Variants in MRTFA observed in about 807,000 individuals in gnomAD.
MRTFA encodes the protein myocardin-related transcription factor A.
In MRTFA, 20 loss-of-function variants were observed where a neutral mutation model predicts 83.5. The observed-to-expected ratio is 0.24, with a 90% confidence interval of 0.17 to 0.35. The LOEUF is 0.35. MRTFA is among the 10% of genes least tolerant of loss of function. The pLI, the probability that MRTFA is intolerant of heterozygous loss-of-function variation, is 1.00. For missense variants in MRTFA, 1,200 were observed against 1,224.7 expected (o/e 0.98, Z 0.30); for synonymous variants, 659 against 541.2 (o/e 1.22, Z -3.02).
intron 1 of MRTFA, among the ~76,000 whole-genome samples, chr22:40,620,025 T>C (rs1187438942): frequency 6.6e-6 from 1 of 151,906 alleles, no homozygotes; most frequent in Non-Finnish European, 1.5e-5. Flanking sequence ...TGGCGTGATC[T>C]TGGCTCAATG....
chr22:40,603,140 C>T (rs145280577), intron 1 of MRTFA, among the ~76,000 whole-genome samples: 1 of 152,260 alleles, frequency 6.6e-6, no homozygotes, highest in Non-Finnish European at 1.5e-5. Flanking sequence ...GTGACTTTCC[C>T]TCTGGCCGAA....
At chr22:40,550,801 T>C (rs1272464657) in intron 3 of MRTFA, among the ~76,000 whole-genome samples, 1 of 152,026 alleles carries the variant, frequency 6.6e-6, no homozygotes, top group African/African-American at 2.4e-5. Flanking sequence ...AGTTGGGTGG[T>C]ATTTGAACAC....
At chr22:40,438,732 C>T (rs138147448) in intron 4 of MRTFA, among the ~76,000 whole-genome samples, 11 of 151,936 alleles carry the variant, frequency 7.2e-5, no homozygotes, top group Admixed American at 1.3e-4. Context: ...CTTACTATGT[C>T]AGATTTACAC....
chr22:40,425,318 G>A (rs1033942858), intron 7 of MRTFA, among the ~76,000 whole-genome samples: 2 of 152,240 alleles, frequency 1.3e-5, no homozygotes, highest in African/African-American at 4.8e-5. Context: ...GGGGGTGGCA[G>A]GTTCTGAGCT....
At chr22:40,605,252 G>A (rs891356534) in intron 1 of MRTFA, among the ~76,000 whole-genome samples, 2 of 152,108 alleles carry the variant, frequency 1.3e-5, no homozygotes, top group African/African-American at 2.4e-5. Context: ...TAACAGCACA[G>A]GAAAACAAAA....
chr22:40,421,208 CCA>C, intron 9 of MRTFA, 108 bp from the exon 10 acceptor site: 2 of 1,285,386 alleles, frequency 1.6e-6, no homozygotes, highest in Non-Finnish European at 2.1e-6. Context: ...ACATCCCCAT[CCA>C]CACTTTGCCC....
intron 4 of MRTFA, among the ~76,000 whole-genome samples, chr22:40,444,660 G>A (rs772088290): frequency 5.3e-5 from 8 of 152,242 alleles, no homozygotes; most frequent in East Asian, 3.9e-4. Context: ...TGAGATCGAC[G>A]TGTAGCCACC....
chr22:40,421,033 T>A lies in MRTFA; in HGVS notation c.995A>T (p.Lys332Met). Residue 332 changes from lysine to methionine, a missense_variant, in exon 10 of 15, where the codon AAG (lysine) becomes ATG (methionine). Coordinates refer to ENST00000355630, the MANE Select transcript of MRTFA (RefSeq NM_020831.6). The stretch of plus-strand genomic sequence containing the variant: ...CTGGTGGTACTTGAGCTTCTTCACC[T>A]TTGGCTTCAGCTCCTTGGCCTTCTT... 1 of 1,581,038 alleles carries A rather than the reference T, an allele frequency of 6.3e-7. No homozygotes were observed. Among genetic ancestry groups the A allele is most frequent in the South Asian group, 1.2e-5 (1 of 86,114 alleles).
chr22:40,525,244 T>C (rs899365094), intron 3 of MRTFA, among the ~76,000 whole-genome samples: 5 of 152,236 alleles, frequency 3.3e-5, no homozygotes, highest in Non-Finnish European at 7.3e-5. Flanking sequence ...GTTATTCATA[T>C]TCTGGTGTAT....
At chr22:40,581,920 A>G (rs1410701187) in intron 2 of MRTFA, among the ~76,000 whole-genome samples, 1 of 152,202 alleles carries the variant, frequency 6.6e-6, no homozygotes, top group East Asian at 1.9e-4. Context: ...CTTTACTGGT[A>G]TATAATTCAC....
At chr22:40,503,455 C>G (rs2054530436) in intron 3 of MRTFA, among the ~76,000 whole-genome samples, 1 of 152,216 alleles carries the variant, frequency 6.6e-6, no homozygotes, top group Admixed American at 6.5e-5. Context: ...AAGTGATCTG[C>G]CCGCCTCGGC....
At chr22:40,502,765 G>A (rs895769800) in intron 3 of MRTFA, among the ~76,000 whole-genome samples, 1 of 151,820 alleles carries the variant, frequency 6.6e-6, no homozygotes, top group African/African-American at 2.4e-5. Flanking sequence ...CCTCCCGGGC[G>A]GCGCTCGCCG....
chr22:40,588,650 TG>T (rs1488447623), intron 2 of MRTFA, among the ~76,000 whole-genome samples: 1 of 152,178 alleles, frequency 6.6e-6, no homozygotes. Context: ...ATAGTAACAG[TG>T]CCTTGAATTT....
intron 3 of MRTFA, chr22:40,519,714 C>T (rs5757976): frequency 0.44 from 343,916 of 777,950 alleles, 80,026 homozygotes; most frequent in East Asian, 0.88. Flanking sequence ...TTCTGAAAAG[C>T]ACAATAATGG....
intron 5 of MRTFA, among the ~76,000 whole-genome samples, chr22:40,434,491 G>A (rs932126962): frequency 6.6e-6 from 1 of 152,156 alleles, no homozygotes; most frequent in African/African-American, 2.4e-5. Context: ...GAAGGGCAAG[G>A]CAGGCAGATC....
At chr22:40,477,488 C>T (rs1323410827) in intron 3 of MRTFA, among the ~76,000 whole-genome samples, 2 of 151,984 alleles carry the variant, frequency 1.3e-5, no homozygotes, top group Non-Finnish European at 2.9e-5. Context: ...TTTTTTTCCT[C>T]AATTTTCTCA....
At chr22:40,572,567 A>G (rs927016460) in intron 2 of MRTFA, among the ~76,000 whole-genome samples, 2 of 151,948 alleles carry the variant, frequency 1.3e-5, no homozygotes, top group Non-Finnish European at 2.9e-5. Context: ...CTGTTTTTTT[A>G]AAAAAGGAAA....
At chr22:40,522,392 C>G (rs2054884659) in intron 3 of MRTFA, 1 of 152,206 alleles carries the variant, frequency 6.6e-6, no homozygotes, top group Non-Finnish European at 1.5e-5. Flanking sequence ...AACTTCCAGA[C>G]AGCAGGGAAA....
chr22:40,530,659 T>C (rs114461270), intron 3 of MRTFA, among the ~76,000 whole-genome samples: 2,538 of 152,358 alleles, frequency 0.017, 73 homozygotes, highest in African/African-American at 0.058. Flanking sequence ...GTTTCCATAG[T>C]AGTGAGAAAA....
Sources: allele counts gnomAD v4.1 joint callset (sites outside exome capture counted in the v4.1 genomes callset), GRCh38; gene constraint gnomAD v4.1.1; transcripts MANE v1.5; gene names NCBI Gene and HGNC (gene_info 2026-07-23, HGNC 2026-07-21).